TARBP1: variants seen among roughly 807,000 people sequenced by gnomAD.
The protein encoded by TARBP1 is tRNA guanosine 2 -O-methyltransferase TARBP1, also known as tRNA (guanosine(18)-2'-O)-methyltransferase TARBP1.
TARBP1 carries 144 observed loss-of-function variants against 178.6 expected under a neutral mutation model. The observed-to-expected ratio is 0.81, with a 90% CI of 0.70 to 0.93. The LOEUF is 0.93. Among genes scored for constraint, TARBP1 ranks in the 40% least tolerant of loss-of-function variants. The probability of loss-of-function intolerance (pLI) is 0.00; values close to 1 mark genes in which losing one functional copy is unlikely to be tolerated. For synonymous variants in TARBP1, 787 were observed against 781.0 expected (o/e 1.01, Z -0.13); for missense variants, 2,067 against 2,011.7 (o/e 1.03, Z -0.53).
intron 4 of TARBP1, 23 bp from the exon 5 acceptor site, chr1:234,465,731 ACACGT>A (rs1572397357): frequency 6.6e-7 from 1 of 1,507,334 alleles, no homozygotes. Flanking sequence ...AAAAAAAAAG[ACACGT>A]AATTGAAACT....
chr1:234,400,976 G>C, intron 25 of TARBP1: 2 of 403,248 alleles, frequency 5.0e-6, no homozygotes, highest in Non-Finnish European at 9.0e-6. Context: ...AAAATGACTA[G>C]CCAATTTTCA....
chr1:234,394,064 T>G (rs1045939302), intron 26 of TARBP1, among the ~76,000 whole-genome samples: 1 of 152,204 alleles, frequency 6.6e-6, no homozygotes, highest in Non-Finnish European at 1.5e-5. Context: ...AACCAACATA[T>G]TATGATACTT....
chr1:234,435,921 G>C lies in TARBP1; in HGVS notation c.2232+1354C>G, dbSNP rs79113882. Among the ~76,000 whole-genome samples, 10 of 152,268 alleles carry C rather than the reference G, an allele frequency of 6.6e-5. No homozygotes were observed. The East Asian group carries it at 1.9e-3, about 29-fold the overall frequency. On this transcript the variant is annotated intron_variant, in intron 13 of 29. Transcript: ENST00000040877. ...GAGGCAGGCTCTTTTTTCCCCTAGAGAGTCAGTCATTAAACACTGACCAGC... is the reference window on the plus strand; with the variant it reads ...GAGGCAGGCTCTTTTTTCCCCTAGACAGTCAGTCATTAAACACTGACCAGC...
chr1:234,393,852 G>C lies in TARBP1; in HGVS notation c.4244-15C>G. On this transcript the variant is annotated splice_polypyrimidine_tract_variant and intron_variant, in intron 26 of 29. Transcript: ENST00000040877. The stretch of plus-strand genomic sequence containing the variant: ...CAAATTAGTACCTGGGAAGGAAAAA[G>C]AAAACAATCCCACATATAAATAAAT... 6.3e-7 allele frequency: 1 copy of C among 1,575,552 alleles called. No individual in the cohort carries two copies. The highest frequency in any genetic ancestry group is 1.4e-5 in the African/African-American group (1 of 72,770).
chr1:234,395,178 C>T (rs549196617), intron 26 of TARBP1, among the ~76,000 whole-genome samples: 1 of 152,054 alleles, frequency 6.6e-6, no homozygotes. Context: ...GAGCTGAGAT[C>T]GTGCCACTTC....
In TARBP1 at chr1:234,393,897, T is replaced by C. The variant is rs1659661421; in HGVS notation, c.4244-60A>G. 1.6e-5 allele frequency: 19 copies of C among 1,173,340 alleles called. No homozygotes were observed. The Admixed American group carries it at 2.1e-4, about 13-fold the overall frequency. 72.7% of individuals were successfully genotyped at this position (1,173,340 alleles called of 1,614,324 possible). On this transcript the variant is annotated intron_variant, in intron 26 of 29. Coordinates refer to ENST00000040877, the MANE Select transcript of TARBP1 (RefSeq NM_005646.4). ...ATAAATCTGAATCTCTATATATTTA[T>C]GTATACATGTATATGTATTTTTAAG...
chr1:234,469,106 C>T (rs115983225), intron 3 of TARBP1, among the ~76,000 whole-genome samples: 1 of 113,350 alleles, frequency 8.8e-6, no homozygotes, highest in Non-Finnish European at 1.8e-5. Context: ...AAAACCGCAA[C>T]GACTTTCGCA....
At chr1:234,436,921 T>C (rs1279696521) in intron 13 of TARBP1, among the ~76,000 whole-genome samples, 1 of 152,176 alleles carries the variant, frequency 6.6e-6, no homozygotes, top group Non-Finnish European at 1.5e-5. Flanking sequence ...GCACCCCCAC[T>C]CAGGGTCCGG....
In TARBP1 at chr1:234,467,547, C is replaced by T; in HGVS notation, c.1203G>A (p.Glu401=). 1 of 1,605,586 alleles carries T rather than the reference C, an allele frequency of 6.2e-7. No homozygotes were observed. The highest frequency in any genetic ancestry group is 8.5e-7 in the Non-Finnish European group (1 of 1,177,672). The change falls in exon 4 of 30, where the codon GAG becomes GAA. Residue 401 remains glutamate (E), a synonymous_variant. Transcript: ENST00000040877. Reference sequence around the variant, plus strand: ...ATGGAAGAATCTTTGTTTCATACAGCTCCAAAAAATGGATAACACCTTCTT... The same window carrying T: ...ATGGAAGAATCTTTGTTTCATACAGTTCCAAAAAATGGATAACACCTTCTT... ...LSKEGVIHFL[E]LYETKILPFS...
rs1445650007 is a variant in TARBP1, at chr1:234,418,253, A to G, written c.3556-20T>C. On this transcript the variant is annotated intron_variant, in intron 21 of 29. Coordinates refer to ENST00000040877, the MANE Select transcript of TARBP1 (RefSeq NM_005646.4). ...GAAATTCTGAGAAAAAAAGTTCACA[A>G]TTAACCAGTTACAGTTATTCATTTT... 6.5e-7 allele frequency: 1 copy of G among 1,539,798 alleles called. No homozygotes were observed. The highest frequency in any genetic ancestry group is 8.7e-7 in the Non-Finnish European group (1 of 1,155,202).
chr1:234,478,354 G>T lies in TARBP1; in HGVS notation c.750C>A (p.Arg250=). 1 of 1,269,446 alleles carries T rather than the reference G, an allele frequency of 7.9e-7. No homozygotes were observed. The highest frequency in any genetic ancestry group is 9.9e-7 in the Non-Finnish European group (1 of 1,012,784). The allele number at this position is 1,269,446 out of a possible 1,614,324, so 78.6% of individuals were successfully genotyped here. The change falls in exon 1 of 30, where the codon CGC becomes CGA. Residue 250 remains arginine (R), a synonymous_variant. Coordinates refer to ENST00000040877, the MANE Select transcript of TARBP1 (RefSeq NM_005646.4). The part of the protein sequence containing the change: ...LLPEPGGDRA[R]GAREAGPDAR... ...CGTCCGGGCCCGCCTCGCGCGCGCC[G>T]CGGGCGCGGTCGCCGCCGGGCTCGG...
intron 24 of TARBP1, among the ~76,000 whole-genome samples, chr1:234,403,097 C>A (rs1209630792): frequency 6.6e-6 from 1 of 152,134 alleles, no homozygotes. Flanking sequence ...CACTTTAATG[C>A]AAAAGAAAAC....
At chr1:234,452,513 A>G (rs270519) in intron 9 of TARBP1, among the ~76,000 whole-genome samples, 18,562 of 152,170 alleles carry the variant, frequency 0.12, 1,687 homozygotes, top group African/African-American at 0.26. Context: ...TTACAACAAT[A>G]AGACACCACT....
At position 234,393,307 on chromosome 1, in the gene TARBP1, G is replaced by A. The variant is rs1029019744; in HGVS notation, c.4560+55C>T. On this transcript the variant is annotated intron_variant, in intron 28 of 29. Coordinates refer to ENST00000040877, the MANE Select transcript of TARBP1 (RefSeq NM_005646.4). The stretch of plus-strand genomic sequence containing the variant: ...TTTAAACTTTTATTTTAGGTTCACG[G>A]GTACATGTGCGGGCTTGTTTTAAGA... 5.8e-6 allele frequency: 8 copies of A among 1,384,118 alleles called. No individual in the cohort carries two copies. The East Asian group carries it at 1.7e-4, about 29-fold the overall frequency. The allele number at this position is 1,384,118 out of a possible 1,614,324, so 85.7% of individuals were successfully genotyped here. A position where few individuals can be genotyped will look rare whatever the true frequency, so the allele number is the denominator to read the frequency against.
chr1:234,398,121 G>A (rs1021685135), intron 26 of TARBP1: 2 of 241,842 alleles, frequency 8.3e-6, no homozygotes, highest in African/African-American at 4.5e-5. Context: ...GGAGGCCACT[G>A]GCCATCAGCT....
chr1:234,418,778 C>T (rs1021301817), intron 21 of TARBP1, among the ~76,000 whole-genome samples: 1 of 152,240 alleles, frequency 6.6e-6, no homozygotes, highest in African/African-American at 2.4e-5. Context: ...TCATCTTTCC[C>T]TCTTCCAACC....
In TARBP1 at chr1:234,406,055, A is replaced by G. The variant is rs12073170; in HGVS notation, c.3837T>C (p.Cys1279=). The G allele has an allele frequency of 0.094, 152,295 of 1,614,062 alleles. 7,716 individuals carry two copies. Among genetic ancestry groups the G allele is most frequent in the African/African-American group, 0.14 (10,129 of 75,012 alleles). The change falls in exon 24 of 30, where the codon TGT becomes TGC. Residue 1279 remains cysteine (C), a synonymous_variant. Coordinates refer to ENST00000040877, the MANE Select transcript of TARBP1 (RefSeq NM_005646.4). The part of the protein sequence containing the change: ...KQALIVVLQW[C]FNHNFSVRLY... ...GTCGAACACTAAAATTGTGATTGAA[A>G]CACCACTGCAGCACAACTATAAGGG...
chr1:234,395,216 G>A (rs1468518435), intron 26 of TARBP1, among the ~76,000 whole-genome samples: 1 of 152,160 alleles, frequency 6.6e-6, no homozygotes, highest in East Asian at 1.9e-4. Context: ...GAGAGACAGA[G>A]CGAGACTCCG....
chr1:234,442,590 T>A (rs1446641254), intron 12 of TARBP1, among the ~76,000 whole-genome samples: 1 of 152,142 alleles, frequency 6.6e-6, no homozygotes. Context: ...CCAATGAATA[T>A]GGGAAAAACA....
Sources: allele counts gnomAD v4.1 joint callset (sites outside exome capture counted in the v4.1 genomes callset), GRCh38; gene constraint gnomAD v4.1.1; transcripts MANE v1.5; gene names NCBI Gene and HGNC (gene_info 2026-07-23, HGNC 2026-07-21).